GATAD2A: variants seen among roughly 807,000 people sequenced by gnomAD.
GATAD2A encodes the protein transcriptional repressor p66-alpha.
GATAD2A carries 12 observed loss-of-function variants against 68.5 expected under a neutral mutation model. The observed-to-expected ratio is 0.18, with a 90% CI of 0.11 to 0.28. The LOEUF is 0.28. Ranked by LOEUF, GATAD2A falls within the 10% of genes least tolerant of loss-of-function variation. GATAD2A has a pLI of 1.00. For missense variants in GATAD2A, 755 were observed against 868.5 expected, an observed-to-expected ratio of 0.87 and a Z score of 1.64; for synonymous variants, 410 against 375.3, an observed-to-expected ratio of 1.09 and a Z score of -1.07.
At chr19:19,426,348 G>A (rs981739107) in intron 1 of GATAD2A, among the ~76,000 whole-genome samples, 3 of 152,112 alleles carry the variant, frequency 2.0e-5, no homozygotes, top group African/African-American at 7.2e-5. Flanking sequence ...CACACAACAA[G>A]CATTCCTTGG....
At chr19:19,450,013 C>G (rs1180104360) in intron 1 of GATAD2A, among the ~76,000 whole-genome samples, 1 of 151,768 alleles carries the variant, frequency 6.6e-6, no homozygotes, top group Non-Finnish European at 1.5e-5. Flanking sequence ...TGGTCTTGAG[C>G]TCTTGTCCTC....
chr19:19,387,270 C>T (rs1209878611), intron 1 of GATAD2A, among the ~76,000 whole-genome samples: 1 of 151,348 alleles, frequency 6.6e-6, no homozygotes, highest in African/African-American at 2.4e-5. Context: ...CTGTGGGGAT[C>T]TCCCCACCCC....
intron 1 of GATAD2A, among the ~76,000 whole-genome samples, chr19:19,420,814 A>G (rs1029104714): frequency 2.6e-5 from 4 of 152,132 alleles, no homozygotes; most frequent in Admixed American, 6.6e-5. Flanking sequence ...GAGTGTTGGT[A>G]TGATGACAGT....
At chr19:19,484,796 G>A (rs1243582878) in intron 2 of GATAD2A, among the ~76,000 whole-genome samples, 1 of 152,182 alleles carries the variant, frequency 6.6e-6, no homozygotes, top group Non-Finnish European at 1.5e-5. Flanking sequence ...GCCTCCCAAA[G>A]TGCTGGGATT....
intron 1 of GATAD2A, among the ~76,000 whole-genome samples, chr19:19,413,734 A>G (rs2051246950): frequency 6.6e-6 from 1 of 152,060 alleles, no homozygotes; most frequent in South Asian, 2.1e-4. Flanking sequence ...ACAGACACCC[A>G]TAACTTTGCC....
chr19:19,498,730 G>C lies in GATAD2A; in HGVS notation c.1204+8G>C, dbSNP rs1253799131. On this transcript the variant is annotated splice_region_variant and intron_variant, in intron 8 of 11. Transcript: ENST00000683918. ...ACCTACTGGAGACACAAGGTGAGTG[G>C]CCTGGACCCAGCCGGGCTGCTTCCG... 5.0e-6 allele frequency: 8 copies of C among 1,598,060 alleles called. No homozygotes were observed. In the African/African-American group the frequency reaches 1.1e-4, roughly 21 times the overall value.
In GATAD2A at chr19:19,448,472, C is replaced by T. The variant is rs150905055; in HGVS notation, c.-6-16868C>T. ...TGATCTCCAGTGTGAGCACAGGGAG[C>T]TATTGGTAGTTGTGTTGTGTTGTGT... is the stretch of plus-strand genomic sequence containing the variant. On this transcript the variant is annotated intron_variant, in intron 1 of 11. Coordinates refer to ENST00000683918, the MANE Select transcript of GATAD2A (RefSeq NM_001384528.1). Among the ~76,000 whole-genome samples, 393 of 152,254 alleles carry T rather than the reference C, an allele frequency of 2.6e-3. 3 individuals carry two copies. The South Asian group carries it at 0.041, about 16-fold the overall frequency.
rs1285165140 is a variant in GATAD2A at position 19,494,372 on chromosome 19, C to T, written c.613C>T (p.Pro205Ser). The T allele has an allele frequency of 1.2e-6, 2 of 1,604,364 alleles. No individual in the cohort carries two copies. Among genetic ancestry groups the T allele is most frequent in the South Asian group, 1.1e-5 (1 of 90,884 alleles). Residue 205 changes from proline to serine, a missense_variant, in exon 5 of 12, where the codon CCA (proline) becomes TCA (serine). Coordinates refer to ENST00000683918, the MANE Select transcript of GATAD2A (RefSeq NM_001384528.1). ...RGTQNIPAGK[P>S]SLQTSSARMP... is the part of the protein sequence containing the mutation. The stretch of plus-strand genomic sequence containing the variant: ...CACTCAGAACATTCCTGCTGGCAAG[C>T]CATCACTCCAGGTCAGTGTCCTTTC...
At chr19:19,468,048 G>A (rs12104294) in intron 2 of GATAD2A, among the ~76,000 whole-genome samples, 14 of 152,222 alleles carry the variant, frequency 9.2e-5, no homozygotes, top group Non-Finnish European at 1.6e-4. Context: ...ATTGACAAAA[G>A]CAAAATGAAA....
intron 2 of GATAD2A, among the ~76,000 whole-genome samples, chr19:19,482,890 G>C (rs953268395): frequency 6.6e-6 from 1 of 152,250 alleles, no homozygotes; most frequent in East Asian, 1.9e-4. Context: ...CTCTGTGGGC[G>C]GGTAGAGGCT....
intron 1 of GATAD2A, among the ~76,000 whole-genome samples, chr19:19,416,456 C>G (rs2051655056): frequency 2.0e-5 from 3 of 152,282 alleles, no homozygotes; most frequent in African/African-American, 7.2e-5. Flanking sequence ...GGCTTGCTCA[C>G]TCCCTTGGGA....
chr19:19,461,077 T>TCC (rs1317510434), intron 1 of GATAD2A, among the ~76,000 whole-genome samples: 3 of 152,012 alleles, frequency 2.0e-5, no homozygotes, highest in Admixed American at 6.6e-5. Context: ...CACCACTGAG[T>TCC]CCCCAGCCCA....
rs192132721 is a variant in GATAD2A, at chr19:19,398,466, G to T, written c.-7+12328G>T. Among the ~76,000 whole-genome samples the T allele has an allele frequency of 1.8e-3, 278 of 152,112 alleles. 1 individual carries two copies. Among genetic ancestry groups the T allele is most frequent in the African/African-American group, 6.3e-3 (260 of 41,536 alleles). On this transcript the variant is annotated intron_variant, in intron 1 of 11. Coordinates refer to the GATAD2A transcript ENST00000360315. ...TCCGCTTGCCTCGGCCTCCCAAAGT[G>T]CTGGGATTACAGGCGTGAGCCACCA...
At chr19:19,441,106 G>A (rs898075912) in intron 1 of GATAD2A, among the ~76,000 whole-genome samples, 2 of 150,906 alleles carry the variant, frequency 1.3e-5, no homozygotes, top group Non-Finnish European at 2.9e-5. Flanking sequence ...GCAGTGGTGC[G>A]ATCTCGGCTC....
At chr19:19,448,527 C>T (rs945097310) in intron 1 of GATAD2A, among the ~76,000 whole-genome samples, 7 of 152,230 alleles carry the variant, frequency 4.6e-5, no homozygotes, top group Non-Finnish European at 8.8e-5. Flanking sequence ...CTCTCTCTGT[C>T]TCCCAGGCTG....
At chr19:19,474,257 C>A in intron 2 of GATAD2A, 1 of 675,588 alleles carries the variant, frequency 1.5e-6, no homozygotes, top group Non-Finnish European at 1.8e-6. Flanking sequence ...CCCCGACAAC[C>A]ACGTGAGCAT....
chr19:19,396,222 G>A (rs1051189172), intron 1 of GATAD2A, among the ~76,000 whole-genome samples: 2 of 152,148 alleles, frequency 1.3e-5, no homozygotes, highest in Non-Finnish European at 2.9e-5. Context: ...GTTGAGGTAG[G>A]AGAATCGCTT....
intron 8 of GATAD2A, 60 bp downstream of exon 8, chr19:19,498,782 G>C (rs974027806): frequency 2.1e-6 from 3 of 1,445,710 alleles, no homozygotes; most frequent in Non-Finnish European, 2.9e-6. Flanking sequence ...GTGCTGCCCC[G>C]TGGGTTCTTT....
intron 2 of GATAD2A, among the ~76,000 whole-genome samples, chr19:19,476,990 A>G (rs1404252802): frequency 6.6e-6 from 1 of 152,210 alleles, no homozygotes; most frequent in Non-Finnish European, 1.5e-5. Flanking sequence ...TGGATCGGCC[A>G]TGTACTGAAT....
Sources: allele counts gnomAD v4.1 joint callset (sites outside exome capture counted in the v4.1 genomes callset), GRCh38; gene constraint gnomAD v4.1.1; transcripts MANE v1.5; gene names NCBI Gene and HGNC (gene_info 2026-07-23, HGNC 2026-07-21).